Variants in ARHGAP26 observed in about 807,000 individuals in gnomAD.
ARHGAP26 encodes rho GTPase-activating protein 26.
ARHGAP26 carries 38 observed loss-of-function variants against 104.8 expected under a neutral mutation model. That is an observed-to-expected ratio of 0.36 (90% CI 0.28 to 0.48). The LOEUF (loss-of-function observed/expected upper bound fraction) is 0.48. ARHGAP26 is among the 20% of genes least tolerant of loss of function. The pLI is 0.99. For synonymous variants in ARHGAP26, 341 were observed against 340.0 expected (o/e 1.00, Z -0.03); for missense variants, 704 against 947.9 (o/e 0.74, Z 3.38).
At chr5:143,080,699 G>C (rs748338024) in intron 17 of ARHGAP26, among the ~76,000 whole-genome samples, 2 of 152,222 alleles carry the variant, frequency 1.3e-5, no homozygotes, top group Non-Finnish European at 2.9e-5. Context: ...GTGGTAGCTT[G>C]GGGACCTCAG....
intron 20 of ARHGAP26, chr5:143,169,110 C>T (rs1802428316): frequency 6.6e-6 from 1 of 152,228 alleles, no homozygotes; most frequent in African/African-American, 2.4e-5. Flanking sequence ...TCCAGGGCCT[C>T]TCTGGGCTCT....
At chr5:142,928,973 C>T (rs1293976868) in intron 10 of ARHGAP26, among the ~76,000 whole-genome samples, 2 of 152,200 alleles carry the variant, frequency 1.3e-5, no homozygotes, top group African/African-American at 4.8e-5. Context: ...GAGTCTCGCT[C>T]TGTCGCCGGG....
At chr5:143,141,164 G>A (rs574852788) in intron 19 of ARHGAP26, among the ~76,000 whole-genome samples, 16 of 152,326 alleles carry the variant, frequency 1.1e-4, no homozygotes, top group East Asian at 3.9e-4. Flanking sequence ...ATTACTACAC[G>A]TGACTGAAAA....
chr5:142,884,886 A>C (rs1475087086), intron 4 of ARHGAP26, among the ~76,000 whole-genome samples: 1 of 152,208 alleles, frequency 6.6e-6, no homozygotes, highest in Non-Finnish European at 1.5e-5. Context: ...GACTTGTCTC[A>C]TTCAAGCTGT....
chr5:143,055,419 C>A (rs1785657987), intron 15 of ARHGAP26, among the ~76,000 whole-genome samples: 1 of 152,156 alleles, frequency 6.6e-6, no homozygotes, highest in South Asian at 2.1e-4. Flanking sequence ...AGAATAAAAT[C>A]TGAGCCAAGA....
intron 11 of ARHGAP26, among the ~76,000 whole-genome samples, chr5:142,979,267 C>G (rs1257792126): frequency 6.6e-6 from 1 of 152,132 alleles, no homozygotes; most frequent in African/African-American, 2.4e-5. Context: ...ACAGTGTTAC[C>G]TTGGCAGTTT....
intron 1 of ARHGAP26, among the ~76,000 whole-genome samples, chr5:142,832,461 A>G (rs547092897): frequency 2.7e-4 from 41 of 152,372 alleles, no homozygotes; most frequent in Non-Finnish European, 2.9e-5. Context: ...GAGAGCCTGC[A>G]GCAGGACCTG....
intron 3 of ARHGAP26, among the ~76,000 whole-genome samples, chr5:142,876,994 A>G (rs138275948): frequency 3.4e-4 from 51 of 151,970 alleles, no homozygotes; most frequent in Non-Finnish European, 4.0e-4. Context: ...GTGCCTAAGA[A>G]AGGGAAATGA....
chr5:142,834,996 A>C (rs192958890), intron 1 of ARHGAP26, among the ~76,000 whole-genome samples: 1 of 152,352 alleles, frequency 6.6e-6, no homozygotes, highest in Admixed American at 6.5e-5. Context: ...CACCTGGTTC[A>C]CGTGTGAACA....
At chr5:143,137,105 C>T (rs246602) in intron 19 of ARHGAP26, among the ~76,000 whole-genome samples, 81,607 of 151,956 alleles carry the variant, frequency 0.54, 22,156 homozygotes, top group Middle Eastern at 0.6. Context: ...ATACATAAGA[C>T]CTCTAAGAAC....
intron 17 of ARHGAP26, among the ~76,000 whole-genome samples, chr5:143,116,105 G>A (rs139079833): frequency 6.6e-6 from 1 of 152,306 alleles, no homozygotes; most frequent in East Asian, 1.9e-4. Flanking sequence ...GTCTGTTTAT[G>A]TATGTGTGTA....
chr5:143,053,532 C>T (rs1785336467), intron 14 of ARHGAP26, among the ~76,000 whole-genome samples: 1 of 152,196 alleles, frequency 6.6e-6, no homozygotes, highest in South Asian at 2.1e-4. Flanking sequence ...CACTCCCCAA[C>T]CTCTGCCTCT....
At chr5:142,953,230 C>G (rs574892715) in intron 11 of ARHGAP26, among the ~76,000 whole-genome samples, 1 of 152,220 alleles carries the variant, frequency 6.6e-6, no homozygotes, top group East Asian at 1.9e-4. Flanking sequence ...TTTTGAGCCT[C>G]TGAAATTTAA....
At chr5:143,038,884 T>C (rs245822) in intron 13 of ARHGAP26, among the ~76,000 whole-genome samples, 140,115 of 151,858 alleles carry the variant, frequency 0.92, 65,143 homozygotes, top group Middle Eastern at 0.96. Context: ...TTAATAGAGA[T>C]GGGGTTTCAC....
chr5:142,928,157 G>A (rs909371865), intron 10 of ARHGAP26, among the ~76,000 whole-genome samples: 6 of 150,630 alleles, frequency 4.0e-5, no homozygotes, highest in African/African-American at 1.5e-4. Flanking sequence ...TTTGATGAGT[G>A]TAAGTTCTTC....
chr5:143,177,073 ATT>A (rs1378533856), intron 20 of ARHGAP26, among the ~76,000 whole-genome samples: 1 of 152,096 alleles, frequency 6.6e-6, no homozygotes, highest in Non-Finnish European at 1.5e-5. Flanking sequence ...ATACCTCTTC[ATT>A]TGCCTGTTAG....
intron 4 of ARHGAP26, 133 bp downstream of exon 4, chr5:142,879,578 A>G: frequency 1.2e-6 from 1 of 812,192 alleles, no homozygotes; most frequent in Non-Finnish European, 1.9e-6. Flanking sequence ...AATCTTAGGC[A>G]GAAAACTCTA....
intron 13 of ARHGAP26, among the ~76,000 whole-genome samples, chr5:143,038,443 A>G (rs1424461338): frequency 6.6e-6 from 1 of 152,210 alleles, no homozygotes; most frequent in Non-Finnish European, 1.5e-5. Context: ...AAAGGTATGT[A>G]AGATATATCC....
intron 20 of ARHGAP26, among the ~76,000 whole-genome samples, chr5:143,175,069 TAA>T (rs1361052293): frequency 6.6e-6 from 1 of 152,236 alleles, no homozygotes; most frequent in South Asian, 2.1e-4. Context: ...TCTAGCTCTT[TAA>T]AAGACTTTCT....
Sources: allele counts gnomAD v4.1 joint callset (sites outside exome capture counted in the v4.1 genomes callset), GRCh38; gene constraint gnomAD v4.1.1; transcripts MANE v1.5; gene names NCBI Gene and HGNC (gene_info 2026-07-23, HGNC 2026-07-21).